Variants in SDHAF3 observed in about 807,000 individuals in gnomAD.
SDHAF3 encodes succinate dehydrogenase assembly factor 3, mitochondrial.
In SDHAF3, 18 loss-of-function variants were observed where a neutral mutation model predicts 11.5. The observed-to-expected ratio is 1.56, with a 90% CI of 1.08 to 2.32. The LOEUF (loss-of-function observed/expected upper bound fraction) is 2.32, where lower values mean the gene tolerates loss of function less well. SDHAF3 is among the 30% of genes most tolerant of loss of function. The pLI is 0.00. For synonymous variants in SDHAF3, 72 were observed against 59.3 expected (o/e 1.21, Z -0.99); for missense variants, 200 against 154.4 (o/e 1.30, Z -1.57).
chr7:97,125,434 C>G (rs1298223560), intron 1 of SDHAF3, among the ~76,000 whole-genome samples: 2 of 152,054 alleles, frequency 1.3e-5, no homozygotes, highest in African/African-American at 4.8e-5. Context: ...TCTCTTTGTT[C>G]TCATTGGTTT....
intron 1 of SDHAF3, among the ~76,000 whole-genome samples, chr7:97,152,850 G>A (rs915729770): frequency 3.3e-5 from 5 of 152,090 alleles, no homozygotes; most frequent in African/African-American, 1.2e-4. Flanking sequence ...TAGAGACAGG[G>A]TTTTGCCATC....
chr7:97,173,743 G>A (rs1369474035), intron 1 of SDHAF3, among the ~76,000 whole-genome samples: 1 of 151,712 alleles, frequency 6.6e-6, no homozygotes, highest in East Asian at 1.9e-4. Flanking sequence ...TAGTAGAGAC[G>A]AGGTTTCACT....
At chr7:97,166,899 TAATGGATTTTATGACTAAACTTAA>T (rs1473583807) in intron 1 of SDHAF3, among the ~76,000 whole-genome samples, 2 of 152,210 alleles carry the variant, frequency 1.3e-5, no homozygotes, top group African/African-American at 2.4e-5. Flanking sequence ...GAACAATGCA[TAATGGATTTTATGACTAAACTTAA>T]AATGGATTTT....
chr7:97,140,401 A>C (rs1789011838), intron 1 of SDHAF3, among the ~76,000 whole-genome samples: 1 of 131,498 alleles, frequency 7.6e-6, no homozygotes, highest in African/African-American at 3.0e-5. Flanking sequence ...GCTAGAGGGC[A>C]GTGGCGTGAT....
intron 1 of SDHAF3, among the ~76,000 whole-genome samples, chr7:97,160,893 C>A (rs1454233469): frequency 6.6e-6 from 1 of 151,826 alleles, no homozygotes; most frequent in African/African-American, 2.4e-5. Flanking sequence ...TTAATATAAA[C>A]AAACATTAAT....
chr7:97,137,098 G>C (rs945400621), intron 1 of SDHAF3, among the ~76,000 whole-genome samples: 20 of 151,884 alleles, frequency 1.3e-4, no homozygotes, highest in African/African-American at 4.8e-4. Context: ...TCTTTCTTTG[G>C]GAAAGTATAT....
chr7:97,130,771 A>AGG (rs1791657633), intron 1 of SDHAF3, among the ~76,000 whole-genome samples: 1 of 152,308 alleles, frequency 6.6e-6, no homozygotes, highest in African/African-American at 2.4e-5. Flanking sequence ...TCCACACAAG[A>AGG]GGGGACCTGA....
intron 1 of SDHAF3, among the ~76,000 whole-genome samples, chr7:97,146,733 A>C (rs561574798): frequency 6.6e-6 from 1 of 152,064 alleles, no homozygotes; most frequent in African/African-American, 2.4e-5. Flanking sequence ...TCTCAAATCA[A>C]TATTTTTTTG....
At chr7:97,158,941 C>T (rs998983657) in intron 1 of SDHAF3, among the ~76,000 whole-genome samples, 1 of 152,098 alleles carries the variant, frequency 6.6e-6, no homozygotes, top group Non-Finnish European at 1.5e-5. Context: ...TGTAAACAAC[C>T]TGTTTTTTTC....
At chr7:97,152,813 C>G (rs1202551342) in intron 1 of SDHAF3, among the ~76,000 whole-genome samples, 3 of 152,140 alleles carry the variant, frequency 2.0e-5, no homozygotes, top group Non-Finnish European at 4.4e-5. Context: ...CCATGCCCAG[C>G]AAATTTTTGT....
chr7:97,179,953 G>A (rs1385496696), intron 1 of SDHAF3, among the ~76,000 whole-genome samples: 1 of 152,212 alleles, frequency 6.6e-6, no homozygotes, highest in African/African-American at 2.4e-5. Flanking sequence ...AGATCAGGTA[G>A]CAGCATTATC....
At chr7:97,174,721 G>C (rs572035661) in intron 1 of SDHAF3, among the ~76,000 whole-genome samples, 2 of 152,296 alleles carry the variant, frequency 1.3e-5, no homozygotes, top group Admixed American at 1.3e-4. Context: ...GAATACCACC[G>C]AGGTGATACA....
Position 97,162,736 on chromosome 7 carries a change from T to A in SDHAF3, c.175-18276T>A, listed in dbSNP as rs145143827. Among the ~76,000 whole-genome samples the A allele has an allele frequency of 3.9e-5, 6 of 152,336 alleles. No homozygotes were observed. In the East Asian group the frequency reaches 1.2e-3, roughly 29 times the overall value. On this transcript the variant is annotated intron_variant, in intron 1 of 1. Coordinates refer to ENST00000432641, the MANE Select transcript of SDHAF3 (RefSeq NM_020186.3). ...TCTTAATCCTCAGTTCTAATTTGATTGCACTGTGGTCTGAGAGACTGTTTG... is the reference window on the plus strand; with the variant it reads ...TCTTAATCCTCAGTTCTAATTTGATAGCACTGTGGTCTGAGAGACTGTTTG...
At chr7:97,124,551 A>AT (rs1187953347) in intron 1 of SDHAF3, among the ~76,000 whole-genome samples, 8 of 152,290 alleles carry the variant, frequency 5.3e-5, no homozygotes, top group African/African-American at 1.9e-4. Context: ...TGGTAGCTTG[A>AT]TAGGAATAGC....
chr7:97,142,625 C>T (rs574012379), intron 1 of SDHAF3: 1 of 152,118 alleles, frequency 6.6e-6, no homozygotes, highest in East Asian at 1.9e-4. Context: ...TTATTCAGAA[C>T]AAGTTAAAGT....
At chr7:97,163,763 T>C (rs1049028442) in intron 1 of SDHAF3, among the ~76,000 whole-genome samples, 2 of 152,182 alleles carry the variant, frequency 1.3e-5, no homozygotes, top group African/African-American at 4.8e-5. Context: ...TCTTTACAAT[T>C]TGGTATGTTT....
intron 1 of SDHAF3, among the ~76,000 whole-genome samples, chr7:97,125,840 C>T (rs1444454451): frequency 1.3e-5 from 2 of 152,212 alleles, no homozygotes; most frequent in South Asian, 4.1e-4. Flanking sequence ...TCTGTCAATT[C>T]ATCAAACTCA....
At position 97,142,042 on chromosome 7, in the gene SDHAF3, C is replaced by CTTTTTTTTTTTTTTT. The variant is rs71131003; in HGVS notation, c.174+24160_174+24174dup. 2.8e-4 allele frequency among the ~76,000 whole-genome samples: 17 copies of CTTTTTTTTTTTTTTT among 61,694 alleles called. 4 individuals are homozygous for CTTTTTTTTTTTTTTT. In the East Asian group the frequency reaches 4.7e-3, roughly 17 times the overall value. The allele number at this position is 61,694 out of a possible 152,430, so 40.5% of individuals were successfully genotyped here. ...AGCAATGAAATGTGTGAATTGTTGT[C>CTTTTTTTTTTTTTTT]TTTTTTTTTTTTTTTTTTTTTTTTT... On this transcript the variant is annotated intron_variant, in intron 1 of 1. Coordinates refer to ENST00000432641, the MANE Select transcript of SDHAF3 (RefSeq NM_020186.3).
chr7:97,154,085 G>A (rs1789267516), intron 1 of SDHAF3, among the ~76,000 whole-genome samples: 1 of 152,040 alleles, frequency 6.6e-6, no homozygotes, highest in South Asian at 2.1e-4. Context: ...AGGCGGTGGA[G>A]TTAGGAGCAA....
Sources: gnomAD v4.1 joint callset for allele counts (sites outside exome capture counted in the v4.1 genomes callset) on GRCh38, gnomAD v4.1.1 for gene constraint, MANE v1.5 for transcripts, NCBI Gene and HGNC (gene_info 2026-07-23, HGNC 2026-07-21) for gene names.